Variants in NEMP2 observed in about 807,000 individuals in gnomAD.
NEMP2 encodes UPF0571 transmembrane protein.
NEMP2 carries 53 observed loss-of-function variants against 54.2 expected under a neutral mutation model. The ratio of observed to expected loss-of-function variants is 0.98; its 90% CI spans 0.78 to 1.23. NEMP2 has a LOEUF of 1.23. Ranked by LOEUF, NEMP2 falls within the 50% of genes most tolerant of loss-of-function variation. The pLI, the probability that NEMP2 is intolerant of heterozygous loss-of-function variation, is 0.00. For synonymous variants in NEMP2, 197 were observed against 190.3 expected (o/e 1.04, Z -0.29); for missense variants, 455 against 511.3 (o/e 0.89, Z 1.06).
At chr2:190,466,568 A>AGAT in the NEMP2 span, among the ~76,000 whole-genome samples, 5 of 152,096 alleles carry the variant, frequency 3.3e-5, no homozygotes, top group Admixed American at 2.0e-4. Flanking sequence ...CTTTTCCTTA[A>AGAT]GATGATGATG....
At chr2:190,487,095 C>A in the NEMP2 span, among the ~76,000 whole-genome samples, 1 of 152,134 alleles carries the variant, frequency 6.6e-6, no homozygotes, top group Non-Finnish European at 1.5e-5. This position sits in a 1 kb window ranked among gnomAD's most constrained non-coding sequence, Gnocchi z 5.5. Context: ...CTAATCCCAG[C>A]ACTTTGAGAG....
At chr2:190,580,501 T>G in the NEMP2 span, among the ~76,000 whole-genome samples, 1 of 152,210 alleles carries the variant, frequency 6.6e-6, no homozygotes, top group African/African-American at 2.4e-5. This position sits in a 1 kb window ranked among gnomAD's most constrained non-coding sequence, Gnocchi z 5.3. Flanking sequence ...TCACACTTCT[T>G]AAAACATGAC....
At chr2:190,636,027 G>C in the NEMP2 span, among the ~76,000 whole-genome samples, 2 of 152,090 alleles carry the variant, frequency 1.3e-5, no homozygotes, top group Non-Finnish European at 2.9e-5. Context: ...CATCATGCCT[G>C]GTTAAGTTTT....
At chr2:190,604,823 TTTC>T in the NEMP2 span, among the ~76,000 whole-genome samples, 2 of 152,192 alleles carry the variant, frequency 1.3e-5, no homozygotes, top group Non-Finnish European at 2.9e-5. The surrounding 1 kb of genome is among the most constrained non-coding windows in gnomAD (Gnocchi z 4.5). Context: ...TCCTGTATCA[TTTC>T]TTATCATTTC....
intron 5 of NEMP2, 113 bp from the exon 6 acceptor site, chr2:190,516,497 A>C (rs1459849564): frequency 2.0e-5 from 15 of 752,446 alleles, no homozygotes; most frequent in Non-Finnish European, 3.2e-5. Flanking sequence ...ACTGATTTGA[A>C]GTCAATTTAA....
At chr2:190,464,129 T>C in the NEMP2 span, among the ~76,000 whole-genome samples, 1 of 152,284 alleles carries the variant, frequency 6.6e-6, no homozygotes, top group Non-Finnish European at 1.5e-5. Flanking sequence ...CGAGCAACCT[T>C]GTATGCATTG....
chr2:190,601,112 T>C, the NEMP2 span, among the ~76,000 whole-genome samples: 1 of 152,116 alleles, frequency 6.6e-6, no homozygotes, highest in African/African-American at 2.4e-5. The surrounding 1 kb of genome is among the most constrained non-coding windows in gnomAD (Gnocchi z 5.8). Context: ...TAGTTTAAGA[T>C]GAGGTAATAC....
chr2:190,424,418 C>G, the NEMP2 span, among the ~76,000 whole-genome samples: 14 of 152,176 alleles, frequency 9.2e-5, no homozygotes, highest in African/African-American at 2.9e-4. This position sits in a 1 kb window ranked among gnomAD's most constrained non-coding sequence, Gnocchi z 5.9. Flanking sequence ...TCACTGCAAC[C>G]TCCGCCTCCC....
chr2:190,468,889 CA>C, the NEMP2 span, among the ~76,000 whole-genome samples: 1 of 152,076 alleles, frequency 6.6e-6, no homozygotes, highest in African/African-American at 2.4e-5. Context: ...GGAAAATTAA[CA>C]GAAAATAGAA....
chr2:190,453,353 A>G, the NEMP2 span, among the ~76,000 whole-genome samples: 5 of 152,048 alleles, frequency 3.3e-5, no homozygotes, highest in Non-Finnish European at 7.4e-5. Context: ...GATGGGGAGG[A>G]TGCCCATTGG....
the NEMP2 span, among the ~76,000 whole-genome samples, chr2:190,494,618 G>A: frequency 1.3e-5 from 2 of 151,976 alleles, no homozygotes; most frequent in Middle Eastern, 3.2e-3. The surrounding 1 kb of genome is among the most constrained non-coding windows in gnomAD (Gnocchi z 5.7). Flanking sequence ...CTAGCTAATC[G>A]AATCCAACAG....
At chr2:190,437,284 T>G in the NEMP2 span, 1 of 1,614,108 alleles carries the variant, frequency 6.2e-7, no homozygotes, top group South Asian at 1.1e-5. The surrounding 1 kb of genome is among the most constrained non-coding windows in gnomAD (Gnocchi z 5.9). Context: ...CTCTACAGAG[T>G]CCTCTGAGGA....
the NEMP2 span, chr2:190,437,250 G>A: frequency 6.2e-7 from 1 of 1,614,202 alleles, no homozygotes; most frequent in South Asian, 1.1e-5. The surrounding 1 kb of genome is among the most constrained non-coding windows in gnomAD (Gnocchi z 5.9). Flanking sequence ...AAGAGGTGGA[G>A]ATCCCGCAGG....
the NEMP2 span, among the ~76,000 whole-genome samples, chr2:190,542,579 C>CT: frequency 4.0e-5 from 6 of 149,704 alleles, no homozygotes; most frequent in South Asian, 2.1e-4. The surrounding 1 kb of genome is among the most constrained non-coding windows in gnomAD (Gnocchi z 4.6). Context: ...TGTTTTTTTA[C>CT]TTTTTTTTTT....
rs1290324673 is a variant in NEMP2 at position 190,513,459 on chromosome 2, T to C, written c.953+994A>G. On this transcript the variant is annotated intron_variant, in intron 7 of 8. Transcript: ENST00000409150. This position sits in a 1 kb window ranked among gnomAD's most constrained non-coding sequence, Gnocchi z 5.3. ...TACCCCTGCTCAGCATCACTCACCA[T>C]AGTATCTGCCTGGGTCCTAAGCAAC... 4.6e-5 allele frequency among the ~76,000 whole-genome samples: 7 copies of C among 152,204 alleles called. No homozygotes were observed. The highest frequency in any genetic ancestry group is 7.3e-5 in the Non-Finnish European group (5 of 68,032).
the NEMP2 span, among the ~76,000 whole-genome samples, chr2:190,605,956 G>A: frequency 6.6e-6 from 1 of 152,136 alleles, no homozygotes; most frequent in Non-Finnish European, 1.5e-5. Flanking sequence ...TATATTATCT[G>A]TACTTGGAAT....
chr2:190,648,567 T>C, the NEMP2 span: 1 of 150,298 alleles, frequency 6.7e-6, no homozygotes, highest in Non-Finnish European at 1.5e-5. Flanking sequence ...GATGTTGGAT[T>C]TGGCGGGTGT....
the NEMP2 span, among the ~76,000 whole-genome samples, chr2:190,440,726 C>T: frequency 6.6e-6 from 1 of 152,190 alleles, no homozygotes; most frequent in Non-Finnish European, 1.5e-5. Context: ...GAAATTCTTA[C>T]ACTCAAGGTC....
the NEMP2 span, chr2:190,437,419 G>T: frequency 6.2e-7 from 1 of 1,614,056 alleles, no homozygotes; most frequent in African/African-American, 1.3e-5. The surrounding 1 kb of genome is among the most constrained non-coding windows in gnomAD (Gnocchi z 5.9). Context: ...ATATGGCTTC[G>T]TGTTCACCTT....
Sources: allele counts gnomAD v4.1 joint callset (sites outside exome capture counted in the v4.1 genomes callset), GRCh38; gene constraint gnomAD v4.1.1; non-coding constraint Gnocchi (gnomAD v3.1); transcripts MANE v1.5; gene names NCBI Gene and HGNC (gene_info 2026-07-23, HGNC 2026-07-21).